TEX9: variants seen among roughly 807,000 people sequenced by gnomAD.
TEX9 encodes the protein testis-expressed protein 9.
Under a neutral mutation model 59.6 loss-of-function variants are expected in TEX9, and 74 were observed. That is an observed-to-expected ratio of 1.24 (90% confidence interval 1.03 to 1.51). The LOEUF (loss-of-function observed/expected upper bound fraction) is 1.51, where lower values mean the gene tolerates loss of function less well. Among genes scored for constraint, TEX9 ranks in the 40% most tolerant of loss-of-function variants. TEX9 has a pLI of 0.00. For synonymous variants in TEX9, 186 were observed against 152.2 expected (o/e 1.22, Z -1.64); for missense variants, 522 against 447.8 (o/e 1.17, Z -1.49).
At chr15:56,405,924 G>T (rs1320519349) in intron 9 of TEX9, among the ~76,000 whole-genome samples, 2 of 152,062 alleles carry the variant, frequency 1.3e-5, no homozygotes, top group East Asian at 3.9e-4. Context: ...TTGTTTTTCT[G>T]TTAGTGATTT....
At chr15:56,352,413 T>A (rs2046601772) in intron 1 of TEX9, among the ~76,000 whole-genome samples, 1 of 147,618 alleles carries the variant, frequency 6.8e-6, no homozygotes, top group Non-Finnish European at 1.5e-5. Context: ...CCCAGCTAAT[T>A]TTTTTTTTTT....
intron 12 of TEX9, among the ~76,000 whole-genome samples, chr15:56,436,173 G>A (rs573086130): frequency 1.7e-4 from 26 of 152,054 alleles, no homozygotes; most frequent in East Asian, 1.5e-3. Flanking sequence ...GCACCACACC[G>A]CACTTATTCC....
chr15:56,348,823 C>G (rs2141865493), intron 1 of TEX9, among the ~76,000 whole-genome samples: 1 of 152,186 alleles, frequency 6.6e-6, no homozygotes, highest in Non-Finnish European at 1.5e-5. Flanking sequence ...CTGCCTCATT[C>G]TGTCTTTTCC....
intron 9 of TEX9, among the ~76,000 whole-genome samples, chr15:56,405,431 A>G (rs1407381790): frequency 6.6e-6 from 1 of 152,188 alleles, no homozygotes; most frequent in African/African-American, 2.4e-5. Flanking sequence ...TGTTTTTTCA[A>G]CAAATCATGT....
At chr15:56,423,769 A>G (rs1421548356) in intron 10 of TEX9, among the ~76,000 whole-genome samples, 1 of 152,014 alleles carries the variant, frequency 6.6e-6, no homozygotes, top group African/African-American at 2.4e-5. Context: ...ATATGATTAT[A>G]TTTTTTCTTT....
intron 1 of TEX9, among the ~76,000 whole-genome samples, chr15:56,320,452 C>A (rs2045876679): frequency 6.6e-6 from 1 of 152,008 alleles, no homozygotes; most frequent in Non-Finnish European, 1.5e-5. Flanking sequence ...TATGTCCTTA[C>A]ATGACCTTTC....
intron 3 of TEX9, chr15:56,374,421 G>A (rs1177441777): frequency 6.6e-6 from 1 of 151,960 alleles, no homozygotes; most frequent in African/African-American, 2.4e-5. Context: ...AATGTTTGTG[G>A]TTACATAGTA....
At chr15:56,248,927 G>A (rs2043933626) in intron 1 of TEX9, 1 of 152,170 alleles carries the variant, frequency 6.6e-6, no homozygotes, top group African/African-American at 2.4e-5. Flanking sequence ...TAATTCACAA[G>A]GTCGATCATT....
intron 5 of TEX9, among the ~76,000 whole-genome samples, chr15:56,389,117 T>C (rs1412087025): frequency 2.0e-5 from 3 of 152,074 alleles, no homozygotes; most frequent in Non-Finnish European, 1.5e-5. Flanking sequence ...TTCCTTATAC[T>C]TGAATTTCTT....
chr15:56,458,030 A>G, the TEX9 span, among the ~76,000 whole-genome samples: 1 of 152,176 alleles, frequency 6.6e-6, no homozygotes, highest in Non-Finnish European at 1.5e-5. Flanking sequence ...ATGGGATACT[A>G]CTCAGCAATA....
At chr15:56,383,463 C>G (rs751736671) in intron 3 of TEX9, among the ~76,000 whole-genome samples, 50 of 152,156 alleles carry the variant, frequency 3.3e-4, no homozygotes, top group Non-Finnish European at 2.9e-4. Flanking sequence ...GGCTTCTATT[C>G]CACCCTCTTG....
At position 56,434,244 on chromosome 15, in the gene TEX9, C is replaced by T. The variant is rs751861825; in HGVS notation, c.*29+5771C>T. The T allele has an allele frequency of 2.2e-5, 35 of 1,613,768 alleles. No individual in the cohort carries two copies. The Admixed American group carries it at 3.0e-4, about 14-fold the overall frequency. ...TTTCTGAGCATTCATTAATTCTATT[C>T]GATCATCCTCAGCAAATTTAGCTAG... On this transcript the variant is annotated intron_variant, in intron 12 of 12. Coordinates refer to ENST00000352903, the Ensembl canonical transcript of TEX9.
intron 1 of TEX9, chr15:56,323,700 AAGG>A (rs1315644257): frequency 4.8e-5 from 7 of 146,834 alleles, no homozygotes; most frequent in South Asian, 4.3e-4. Context: ...GAAGAGGAAG[AAGG>A]AGGAGGAGGA....
intron 1 of TEX9, among the ~76,000 whole-genome samples, chr15:56,349,808 C>T (rs1034949933): frequency 2.9e-4 from 44 of 150,870 alleles, no homozygotes; most frequent in African/African-American, 9.5e-4. Context: ...TATGTGTGTG[C>T]GTGTGTGTGT....
chr15:56,336,479 G>C (rs1332671875), intron 1 of TEX9, among the ~76,000 whole-genome samples: 1 of 152,092 alleles, frequency 6.6e-6, no homozygotes, highest in African/African-American at 2.4e-5. Flanking sequence ...ATCCGGAAGA[G>C]GGCCCTCACC....
intron 9 of TEX9, among the ~76,000 whole-genome samples, chr15:56,401,078 G>A (rs1206475488): frequency 1.3e-5 from 2 of 151,916 alleles, no homozygotes; most frequent in East Asian, 3.9e-4. Flanking sequence ...ATCAATTAAT[G>A]GGCAAAATAA....
intron 10 of TEX9, among the ~76,000 whole-genome samples, chr15:56,424,181 T>C (rs2050132559): frequency 6.6e-6 from 1 of 152,168 alleles, no homozygotes; most frequent in South Asian, 2.1e-4. Context: ...ACATATATAA[T>C]TGTATCTATC....
At chr15:56,443,878 A>G (rs757859845) in intron 12 of TEX9, 89 of 1,485,286 alleles carry the variant, frequency 6.0e-5, no homozygotes, top group Non-Finnish European at 7.2e-5. Flanking sequence ...ACAAGTACAG[A>G]TTTATAGTAA....
intron 10 of TEX9, among the ~76,000 whole-genome samples, chr15:56,427,168 G>GTA (rs2050329337): frequency 6.6e-6 from 1 of 152,100 alleles, no homozygotes; most frequent in Non-Finnish European, 1.5e-5. Flanking sequence ...GCTTTTAGAA[G>GTA]AAGCTAGTTG....
Sources: allele counts gnomAD v4.1 joint callset (sites outside exome capture counted in the v4.1 genomes callset), GRCh38; gene constraint gnomAD v4.1.1; transcripts MANE v1.5; gene names NCBI Gene and HGNC (gene_info 2026-07-23, HGNC 2026-07-21).